Variants in MANSC1 observed in about 807,000 individuals in gnomAD.
MANSC1 encodes MANSC domain-containing protein 1.
A neutral mutation model predicts 14.1 loss-of-function variants in MANSC1; 13 were observed. That is an observed-to-expected ratio of 0.92 (90% CI 0.60 to 1.46). The LOEUF is 1.46. MANSC1 is among the 40% of genes most tolerant of loss of function. MANSC1 has a pLI of 0.00. For missense variants in MANSC1, 486 were observed against 511.4 expected, an observed-to-expected ratio of 0.95 and a Z score of 0.48; for synonymous variants, 227 against 200.7, an observed-to-expected ratio of 1.13 and a Z score of -1.11.
chr12:12,335,601 A>C (rs1862848358), intron 3 of MANSC1, among the ~76,000 whole-genome samples: 1 of 150,242 alleles, frequency 6.7e-6, no homozygotes, highest in Non-Finnish European at 1.5e-5. Flanking sequence ...AGCCTCCCAA[A>C]GTGCTGGGAT....
chr12:12,347,735 G>A (rs1379763752), intron 1 of MANSC1, among the ~76,000 whole-genome samples: 4 of 152,166 alleles, frequency 2.6e-5, no homozygotes, highest in Admixed American at 6.5e-5. Context: ...TCCAAAAAAT[G>A]GACAATACCA....
At chr12:12,344,967 A>T (rs1380646998) in intron 1 of MANSC1, among the ~76,000 whole-genome samples, 2 of 102,022 alleles carry the variant, frequency 2.0e-5, no homozygotes, top group Non-Finnish European at 3.9e-5. Context: ...ATATATATAT[A>T]TTACACTAGT....
chr12:12,326,433 T>A lies in MANSC1; in HGVS notation c.*3594A>T, dbSNP rs1862704501. 6.6e-6 allele frequency: 1 copy of A among 152,120 alleles called. No individual in the cohort carries two copies. Among genetic ancestry groups the A allele is most frequent in the South Asian group, 2.1e-4 (1 of 4,826 alleles). The allele number at this position is 152,120 out of a possible 1,614,324, so 9.4% of individuals were successfully genotyped here. A position where few individuals can be genotyped will look rare whatever the true frequency, so the allele number is the denominator to read the frequency against. On this transcript the variant is annotated 3_prime_UTR_variant, in exon 4 of 4. Coordinates refer to ENST00000535902, the MANE Select transcript of MANSC1 (RefSeq NM_018050.4). ...CCTGGCACTTCCAACCTGTAACAAATGAGGCAGAAGTGGGACTAGGGCTGG... is the reference window on the plus strand; with the variant it reads ...CCTGGCACTTCCAACCTGTAACAAAAGAGGCAGAAGTGGGACTAGGGCTGG...
At chr12:12,347,993 G>A (rs1396830475) in intron 1 of MANSC1, among the ~76,000 whole-genome samples, 1 of 152,018 alleles carries the variant, frequency 6.6e-6, no homozygotes, top group African/African-American at 2.4e-5. Flanking sequence ...AACCCGGGAC[G>A]TGGAGGTTGC....
chr12:12,347,040 C>T (rs1863018153), intron 1 of MANSC1, among the ~76,000 whole-genome samples: 1 of 152,030 alleles, frequency 6.6e-6, no homozygotes, highest in Non-Finnish European at 1.5e-5. Flanking sequence ...TTTCTCGCAC[C>T]AGGGACCAGT....
At chr12:12,342,985 T>G (rs1180122956) in intron 2 of MANSC1, 107 bp downstream of exon 2, 2 of 793,396 alleles carry the variant, frequency 2.5e-6, no homozygotes, top group Non-Finnish European at 4.2e-6. Context: ...GTCACTTATA[T>G]TCATACCCTG....
chr12:12,333,963 T>C (rs1277268750), intron 3 of MANSC1, among the ~76,000 whole-genome samples: 4 of 152,102 alleles, frequency 2.6e-5, no homozygotes, highest in African/African-American at 7.2e-5. Flanking sequence ...ATATAGGAAA[T>C]AGAGGCTGGG....
At chr12:12,345,346 T>C (rs1592037680) in intron 1 of MANSC1, among the ~76,000 whole-genome samples, 1 of 151,888 alleles carries the variant, frequency 6.6e-6, no homozygotes, top group Middle Eastern at 3.4e-3. Flanking sequence ...AGCTATTATT[T>C]TCCTCATTTT....
At chr12:12,336,687 CG>C (rs1565797825) in intron 3 of MANSC1, among the ~76,000 whole-genome samples, 1 of 152,004 alleles carries the variant, frequency 6.6e-6, no homozygotes, top group Non-Finnish European at 1.5e-5. Context: ...CCACCATGCC[CG>C]GCTAATTTTT....
At chr12:12,332,385 G>A (rs1323513289) in intron 3 of MANSC1, among the ~76,000 whole-genome samples, 1 of 152,150 alleles carries the variant, frequency 6.6e-6, no homozygotes, top group Non-Finnish European at 1.5e-5. Flanking sequence ...CCCTCTGAGA[G>A]GTTCTTTGCA....
In MANSC1 at chr12:12,337,115, CAA is replaced by C. The variant is rs59550266; in HGVS notation, c.364+1303_364+1304del. Among the ~76,000 whole-genome samples, 434 of 148,176 alleles carry C rather than the reference CAA, an allele frequency of 2.9e-3. 6 individuals carry two copies. Among genetic ancestry groups the C allele is most frequent in the African/African-American group, 9.1e-3 (359 of 39,584 alleles). ...TGAAACCCCATCTCTACTAAAAATA[CAA>C]AAAAAAAAAAATAGCTGGGCATGGT... On this transcript the variant is annotated intron_variant, in intron 3 of 3. Coordinates refer to ENST00000535902, the MANE Select transcript of MANSC1 (RefSeq NM_018050.4).
In MANSC1 at chr12:12,329,107, C is replaced by T. The variant is rs776215002; in HGVS notation, c.*920G>A. On this transcript the variant is annotated 3_prime_UTR_variant, in exon 4 of 4. Coordinates refer to ENST00000535902, the MANE Select transcript of MANSC1 (RefSeq NM_018050.4). ...ATTGTCTCCATGTGGGCTAACATTCCGCTAGATTCTCCCAAGTGAAGCTCT... is the reference window on the plus strand; with the variant it reads ...ATTGTCTCCATGTGGGCTAACATTCTGCTAGATTCTCCCAAGTGAAGCTCT... 14 of 151,916 alleles carry T rather than the reference C, an allele frequency of 9.2e-5. 1 individual carries two copies. The highest frequency in any genetic ancestry group is 7.9e-4 in the Admixed American group (12 of 15,228). 9.4% of individuals were successfully genotyped at this position (151,916 alleles called of 1,614,324 possible).
In MANSC1 at chr12:12,329,924, G is replaced by A; in HGVS notation, c.*103C>T. ...GGAAAGCAGAAGGGGGCATTTTCCT[G>A]TCTTCAAAATACAACCTCCTGCTAA... On this transcript the variant is annotated 3_prime_UTR_variant, in exon 4 of 4. Coordinates refer to ENST00000535902, the MANE Select transcript of MANSC1 (RefSeq NM_018050.4). The A allele has an allele frequency of 1.0e-6, 1 of 961,042 alleles. No homozygotes were observed. The highest frequency in any genetic ancestry group is 3.0e-4 in the Middle Eastern group (1 of 3,308). The allele number at this position is 961,042 out of a possible 1,614,324, so 59.5% of individuals were successfully genotyped here.
At chr12:12,349,434 T>G (rs1392092423) in intron 1 of MANSC1, among the ~76,000 whole-genome samples, 1 of 152,166 alleles carries the variant, frequency 6.6e-6, no homozygotes, top group Non-Finnish European at 1.5e-5. Context: ...GTTTAAGAGT[T>G]TTATATCATT....
At chr12:12,337,899 G>A (rs1862879459) in intron 3 of MANSC1, among the ~76,000 whole-genome samples, 1 of 152,158 alleles carries the variant, frequency 6.6e-6, no homozygotes, top group Non-Finnish European at 1.5e-5. Flanking sequence ...CATGGTAAAT[G>A]TTTAATAAAT....
chr12:12,344,627 G>A (rs1292930858), intron 1 of MANSC1, among the ~76,000 whole-genome samples: 5 of 151,330 alleles, frequency 3.3e-5, no homozygotes, highest in South Asian at 2.1e-4. Context: ...ATGCCACCAC[G>A]CCCGGCTGGT....
intron 1 of MANSC1, among the ~76,000 whole-genome samples, chr12:12,343,872 A>T (rs2135996953): frequency 6.6e-6 from 1 of 152,136 alleles, no homozygotes; most frequent in Non-Finnish European, 1.5e-5. Context: ...AGCACTTTGG[A>T]AGGCTGAGGT....
At chr12:12,331,305 T>C (rs1862786771) in intron 3 of MANSC1, among the ~76,000 whole-genome samples, 1 of 152,218 alleles carries the variant, frequency 6.6e-6, no homozygotes, top group South Asian at 2.1e-4. Flanking sequence ...GGTTTATTTC[T>C]AGCATGATAG....
chr12:12,341,627 T>A (rs910566370), intron 2 of MANSC1, among the ~76,000 whole-genome samples: 2 of 152,174 alleles, frequency 1.3e-5, no homozygotes, highest in Admixed American at 1.3e-4. Context: ...GAGACAAAGA[T>A]CAAATATGTA....
Sources: gnomAD v4.1 joint callset for allele counts (sites outside exome capture counted in the v4.1 genomes callset) on GRCh38, gnomAD v4.1.1 for gene constraint, MANE v1.5 for transcripts, NCBI Gene and HGNC (gene_info 2026-07-23, HGNC 2026-07-21) for gene names.